The following PAK3 variants were observed in gnomAD, a reference collection of about 807,000 sequenced individuals.
PAK3 encodes the protein serine/threonine-protein kinase PAK 3.
A neutral mutation model predicts 41.0 loss-of-function variants in PAK3; 4 were observed. The ratio of observed to expected loss-of-function variants is 0.10; its 90% CI spans 0.05 to 0.22. PAK3 has a LOEUF of 0.22. Ranked by LOEUF, PAK3 falls within the 10% of genes least tolerant of loss-of-function variation. The pLI is 1.00. For missense variants in PAK3, 205 were observed against 409.9 expected, an observed-to-expected ratio of 0.50 and a Z score of 4.32; for synonymous variants, 146 against 139.6, an observed-to-expected ratio of 1.05 and a Z score of -0.32.
intron 1 of PAK3, among the ~76,000 whole-genome samples, chrX:110,958,122 C>T (rs890373252): frequency 2.7e-5 from 3 of 111,649 alleles, no homozygotes; most frequent in African/African-American, 9.8e-5. Context: ...AAGAGTGTTT[C>T]ATGCAGAGAG....
intron 1 of PAK3, among the ~76,000 whole-genome samples, chrX:110,982,115 G>A (rs758110234): frequency 7.2e-5 from 8 of 111,799 alleles, no homozygotes; most frequent in African/African-American, 2.6e-4. Flanking sequence ...GAAAGGAATT[G>A]GTTAAGGATT....
intron 10 of PAK3, among the ~76,000 whole-genome samples, chrX:111,171,626 T>C (rs1707130397): frequency 8.9e-6 from 1 of 111,801 alleles, no homozygotes; most frequent in Non-Finnish European, 1.9e-5. Flanking sequence ...CTTATGTAGC[T>C]TATAAACTTA....
intron 11 of PAK3, among the ~76,000 whole-genome samples, chrX:111,178,665 A>T (rs1404066406): frequency 1.8e-5 from 2 of 110,684 alleles, no homozygotes; most frequent in East Asian, 5.7e-4. Context: ...ATTGTGAAGA[A>T]ATTACAAAGA....
At chrX:111,183,854 C>A (rs2094483301) in intron 11 of PAK3, among the ~76,000 whole-genome samples, 1 of 111,759 alleles carries the variant, frequency 8.9e-6, no homozygotes, top group Non-Finnish European at 1.9e-5. Context: ...GTTGACAAAG[C>A]ATCTAATGTG....
At chrX:111,101,412 G>A (rs962034465) in intron 3 of PAK3, among the ~76,000 whole-genome samples, 1 of 112,190 alleles carries the variant, frequency 8.9e-6, no homozygotes, top group African/African-American at 3.2e-5. Context: ...GGTTGCCATG[G>A]AGTTAAAAAG....
In PAK3 at chrX:111,192,179, A is replaced by G; in HGVS notation, c.879+4A>G. The G allele has an allele frequency of 9.5e-7, 1 of 1,053,391 alleles. No homozygotes were observed. Among genetic ancestry groups the G allele is most frequent in the Non-Finnish European group, 1.3e-6 (1 of 752,131 alleles). 86.8% of individuals were successfully genotyped at this position (1,053,391 alleles called of 1,213,427 possible). A position where few individuals can be genotyped will look rare whatever the true frequency, so the allele number is the denominator to read the frequency against. On this transcript the variant is annotated splice_donor_region_variant and intron_variant, in intron 12 of 17. Coordinates refer to ENST00000372007, the MANE Select transcript of PAK3 (RefSeq NM_002578.5). ...AGACATTGCAACAGGACAAGAGGTA[A>G]GTGCTAACGTTCAATCCTGATTTTT...
intron 11 of PAK3, among the ~76,000 whole-genome samples, chrX:111,178,085 T>C (rs1163027280): frequency 9.0e-6 from 1 of 111,208 alleles, no homozygotes; most frequent in Non-Finnish European, 1.9e-5. Context: ...GTGACCTCTA[T>C]ACTTGTGGTC....
intron 5 of PAK3, among the ~76,000 whole-genome samples, chrX:111,138,899 C>T (rs1045060796): frequency 4.5e-5 from 5 of 110,408 alleles, no homozygotes; most frequent in Admixed American, 2.9e-4. Flanking sequence ...ACCCGGGAGG[C>T]GGAGTTTGTA....
chrX:111,046,864 C>G (rs144030950), intron 1 of PAK3, among the ~76,000 whole-genome samples: 143 of 111,687 alleles, frequency 1.3e-3, no homozygotes, highest in African/African-American at 4.4e-3. Context: ...GTGTTGTAAC[C>G]CTTAATGCAA....
At chrX:111,176,518 G>A (rs1226226611) in intron 11 of PAK3, among the ~76,000 whole-genome samples, 4 of 111,013 alleles carry the variant, frequency 3.6e-5, no homozygotes, top group African/African-American at 1.3e-4. Flanking sequence ...AAATAAAAAA[G>A]AAAATGTTTG....
rs765804538 is a variant in PAK3, at chrX:111,034,951, C to G, written c.-27-88126C>G. On this transcript the variant is annotated intron_variant, in intron 1 of 14. Coordinates refer to the PAK3 transcript ENST00000425146. ...AGAAATCCCATCTCTACCAAAAATACAAAAATTAACTAGGCATCATGGTGT... is the reference window on the plus strand; with the variant it reads ...AGAAATCCCATCTCTACCAAAAATAGAAAAATTAACTAGGCATCATGGTGT... Among the ~76,000 whole-genome samples, 126 of 107,126 alleles carry G rather than the reference C, an allele frequency of 1.2e-3. 1 individual carries two copies. Among genetic ancestry groups the G allele is most frequent in the African/African-American group, 4.2e-3 (123 of 29,201 alleles). The allele number at this position is 107,126 out of a possible 115,157, so 93.0% of individuals were successfully genotyped here.
At chrX:111,087,646 A>T (rs750443097) in intron 1 of PAK3, among the ~76,000 whole-genome samples, 10 of 108,948 alleles carry the variant, frequency 9.2e-5, no homozygotes, top group Non-Finnish European at 1.9e-4. Context: ...ATACAGCTTC[A>T]GTTTTACCCA....
intron 5 of PAK3, among the ~76,000 whole-genome samples, chrX:111,137,546 G>GA (rs994465292): frequency 2.0e-4 from 22 of 110,544 alleles, no homozygotes; most frequent in Admixed American, 3.9e-4. Flanking sequence ...AGAAAATGTA[G>GA]AAAAAAAATG....
intron 11 of PAK3, among the ~76,000 whole-genome samples, chrX:111,182,009 A>G (rs1202815013): frequency 1.8e-5 from 2 of 112,091 alleles, no homozygotes; most frequent in African/African-American, 3.2e-5. Context: ...TCTTTGTTCT[A>G]CTTAATGCTC....
At chrX:111,164,859 C>G (rs1369370578) in intron 10 of PAK3, among the ~76,000 whole-genome samples, 2 of 111,472 alleles carry the variant, frequency 1.8e-5, no homozygotes, top group African/African-American at 6.5e-5. Context: ...ATAAGATAAT[C>G]TCGTTTCATG....
intron 11 of PAK3, among the ~76,000 whole-genome samples, chrX:111,182,449 C>A (rs770373370): frequency 9.0e-6 from 1 of 111,525 alleles, no homozygotes; most frequent in South Asian, 3.8e-4. Flanking sequence ...AAAGACTATA[C>A]CATCTGGCCC....
chrX:110,991,684 A>G (rs192640806), intron 1 of PAK3, among the ~76,000 whole-genome samples: 13 of 112,389 alleles, frequency 1.2e-4, no homozygotes, highest in African/African-American at 3.9e-4. Flanking sequence ...AAAATAGGCA[A>G]TCATGCCAAA....
At chrX:110,970,623 C>A (rs1433377373) in intron 1 of PAK3, among the ~76,000 whole-genome samples, 2 of 110,916 alleles carry the variant, frequency 1.8e-5, no homozygotes, top group Admixed American at 9.6e-5. Context: ...GGAGGGAGAG[C>A]ATTAGGAAAA....
chrX:111,129,178 A>G (rs2093686795), intron 5 of PAK3, among the ~76,000 whole-genome samples: 1 of 111,829 alleles, frequency 8.9e-6, no homozygotes, highest in African/African-American at 3.2e-5. Context: ...TAATTAATGC[A>G]CAATAAAATA....
Sources: gnomAD v4.1 joint callset for allele counts (sites outside exome capture counted in the v4.1 genomes callset) on GRCh38, gnomAD v4.1.1 for gene constraint, MANE v1.5 for transcripts, NCBI Gene and HGNC (gene_info 2026-07-23, HGNC 2026-07-21) for gene names.